EPHA6: variants seen among roughly 807,000 people sequenced by gnomAD.
EPHA6 encodes the protein EPH receptor A6.
EPHA6 carries 50 observed loss-of-function variants against 112.0 expected under a neutral mutation model. That is an observed-to-expected ratio of 0.45 (90% CI 0.36 to 0.56). The LOEUF (loss-of-function observed/expected upper bound fraction) is 0.56. Among genes scored for constraint, EPHA6 ranks in the 20% least tolerant of loss-of-function variants. EPHA6 has a pLI of 0.00. For missense variants in EPHA6, 1,280 were observed against 1,417.4 expected, an observed-to-expected ratio of 0.90 and a Z score of 1.56; for synonymous variants, 529 against 490.7, an observed-to-expected ratio of 1.08 and a Z score of -1.03.
chr3:97,233,167 A>C (rs575907038), intron 4 of EPHA6, among the ~76,000 whole-genome samples: 1 of 152,230 alleles, frequency 6.6e-6, no homozygotes, highest in African/African-American at 2.4e-5. Flanking sequence ...TCACCTGGTC[A>C]TTGCCTGACA....
intron 3 of EPHA6, among the ~76,000 whole-genome samples, chr3:97,179,001 T>C (rs9854530): frequency 0.19 from 29,592 of 152,062 alleles, 3,063 homozygotes; most frequent in Non-Finnish European, 0.22. Flanking sequence ...TTCTAGATAC[T>C]GTAGAATCTA....
chr3:96,996,139 C>T (rs1455174105), intron 3 of EPHA6, among the ~76,000 whole-genome samples: 1 of 152,120 alleles, frequency 6.6e-6, no homozygotes, highest in African/African-American at 2.4e-5. Flanking sequence ...TCTCAAGAAA[C>T]CACTTTCTTT....
At position 96,939,908 on chromosome 3, in the gene EPHA6, C is replaced by T. The variant is rs572816397; in HGVS notation, c.451-47422C>T. Among the ~76,000 whole-genome samples, 37 of 152,132 alleles carry T rather than the reference C, an allele frequency of 2.4e-4. 1 individual carries two copies. The highest frequency in any genetic ancestry group is 9.7e-4 in the East Asian group (5 of 5,176). ...GTTGTTCAGTTTCCATGTAGTTGAG[C>T]GGTTTTGAGTGAGTTTCTTAATCCT... On this transcript the variant is annotated intron_variant, in intron 2 of 17. Coordinates refer to ENST00000389672, the MANE Select transcript of EPHA6 (RefSeq NM_001080448.3).
At chr3:97,178,727 T>A (rs933103538) in intron 3 of EPHA6, among the ~76,000 whole-genome samples, 5 of 152,148 alleles carry the variant, frequency 3.3e-5, no homozygotes, top group Non-Finnish European at 7.4e-5. Context: ...ATATTGGAGC[T>A]CCATTGTATG....
intron 6 of EPHA6, among the ~76,000 whole-genome samples, chr3:97,410,646 C>G (rs1210582750): frequency 6.6e-6 from 1 of 152,002 alleles, no homozygotes; most frequent in African/African-American, 2.4e-5. Context: ...GTATATGGAT[C>G]ACATGGGGAT....
chr3:96,971,501 A>G (rs550705641), intron 2 of EPHA6, among the ~76,000 whole-genome samples: 3 of 152,220 alleles, frequency 2.0e-5, no homozygotes, highest in South Asian at 4.1e-4. Context: ...CTGCTGCAAA[A>G]ACAGATTTAT....
At chr3:97,010,137 T>A in intron 3 of EPHA6, 1 of 1,226,674 alleles carries the variant, frequency 8.2e-7, no homozygotes, top group Non-Finnish European at 1.1e-6. Context: ...AGCCAAAATT[T>A]GTTTTGTTTT....
intron 2 of EPHA6, among the ~76,000 whole-genome samples, chr3:96,943,017 T>G (rs996842180): frequency 6.6e-6 from 1 of 152,114 alleles, no homozygotes; most frequent in Admixed American, 6.5e-5. Context: ...ACCACCAGCC[T>G]CTGGTAACTA....
At chr3:96,872,613 G>A (rs919973821) in intron 2 of EPHA6, among the ~76,000 whole-genome samples, 1 of 151,968 alleles carries the variant, frequency 6.6e-6, no homozygotes, top group Non-Finnish European at 1.5e-5. Flanking sequence ...ATTCCAGGTT[G>A]GTGGGCTTTA....
intron 1 of EPHA6, among the ~76,000 whole-genome samples, chr3:96,832,671 A>G (rs906293708): frequency 2.0e-5 from 3 of 152,046 alleles, no homozygotes; most frequent in African/African-American, 7.2e-5. Context: ...CACAATTATT[A>G]TGCTTTTAAA....
chr3:97,458,060 T>G (rs1340236285), intron 7 of EPHA6, among the ~76,000 whole-genome samples: 1 of 84,800 alleles, frequency 1.2e-5, no homozygotes, highest in East Asian at 4.0e-4. Flanking sequence ...AGTGCGAGAC[T>G]CCGTCTCAAA....
At chr3:96,885,246 A>G (rs2037558018) in intron 2 of EPHA6, among the ~76,000 whole-genome samples, 1 of 152,094 alleles carries the variant, frequency 6.6e-6, no homozygotes, top group African/African-American at 2.4e-5. Flanking sequence ...CATCGAATGA[A>G]TTAGGGAGGG....
chr3:97,482,578 A>G (rs1281890061), intron 9 of EPHA6, among the ~76,000 whole-genome samples: 8 of 152,240 alleles, frequency 5.3e-5, no homozygotes, highest in Non-Finnish European at 8.8e-5. Context: ...AGAAGACAGA[A>G]GACAAAATGT....
rs1362609914 is a variant in EPHA6 at position 97,633,835 on chromosome 3, G to T, written c.2575-4038G>T. Among the ~76,000 whole-genome samples the T allele has an allele frequency of 2.6e-5, 4 of 152,188 alleles. No homozygotes were observed. The East Asian group carries it at 7.7e-4, about 29-fold the overall frequency. On this transcript the variant is annotated intron_variant, in intron 13 of 17. Transcript: ENST00000389672. Reference sequence around the variant, plus strand: ...GAATATAGATTTTGTTTGAATAAGAGAACTGTGTCATTTGTAGAGAAATAG... The same window carrying T: ...GAATATAGATTTTGTTTGAATAAGATAACTGTGTCATTTGTAGAGAAATAG...
chr3:96,908,432 T>C (rs2039047835), intron 2 of EPHA6, among the ~76,000 whole-genome samples: 1 of 152,020 alleles, frequency 6.6e-6, no homozygotes, highest in African/African-American at 2.4e-5. Context: ...TATGACAAAG[T>C]ACTGATCTGT....
Position 97,448,640 on chromosome 3 carries a change from G to A in EPHA6, c.1804G>A (p.Ala602Thr), listed in dbSNP as rs1364944910. 2 of 1,613,562 alleles carry A rather than the reference G, an allele frequency of 1.2e-6. No individual in the cohort carries two copies. The highest frequency in any genetic ancestry group is 2.2e-5 in the East Asian group (1 of 44,862). ...TGTCATCATCACAGGTCTTAAGCCA[G>A]CCACCAAATATGTATTTCACATCCG... ...PSVIITGLKP[A>T]TKYVFHIRVR... is the part of the protein sequence containing the mutation. The change falls in exon 7 of 18, where the codon GCC becomes ACC. Residue 602 changes from alanine to threonine, a missense_variant. Transcript: ENST00000389672.
At chr3:97,139,844 C>A (rs539800325) in intron 3 of EPHA6, among the ~76,000 whole-genome samples, 3 of 152,228 alleles carry the variant, frequency 2.0e-5, no homozygotes, top group Non-Finnish European at 4.4e-5. Flanking sequence ...AAGTACAATT[C>A]TAAAATGACA....
intron 11 of EPHA6, among the ~76,000 whole-genome samples, chr3:97,557,532 T>C (rs1417754997): frequency 6.6e-6 from 1 of 151,976 alleles, no homozygotes; most frequent in African/African-American, 2.4e-5. Flanking sequence ...TTATCTTATA[T>C]GTTCCCGATA....
chr3:97,039,774 G>A (rs1483689818), intron 3 of EPHA6, among the ~76,000 whole-genome samples: 1 of 151,980 alleles, frequency 6.6e-6, no homozygotes, highest in Non-Finnish European at 1.5e-5. Flanking sequence ...TTTTAATCCT[G>A]ATGTTTTGTT....
Sources: gnomAD v4.1 joint callset for allele counts (sites outside exome capture counted in the v4.1 genomes callset) on GRCh38, gnomAD v4.1.1 for gene constraint, MANE v1.5 for transcripts, NCBI Gene and HGNC (gene_info 2026-07-23, HGNC 2026-07-21) for gene names.